Variants in LRRC4C observed in about 807,000 individuals in gnomAD.
LRRC4C encodes the protein leucine rich repeat containing 4C.
A neutral mutation model predicts 33.6 loss-of-function variants in LRRC4C; 5 were observed. That is an observed-to-expected ratio of 0.15 (90% CI 0.08 to 0.31). The LOEUF (loss-of-function observed/expected upper bound fraction) is 0.31. Among genes scored for constraint, LRRC4C ranks in the 10% least tolerant of loss-of-function variants. The pLI, the probability that LRRC4C is intolerant of heterozygous loss-of-function variation, is 1.00. For synonymous variants in LRRC4C, 329 were observed against 302.0 expected, an observed-to-expected ratio of 1.09 and a Z score of -0.93; for missense variants, 560 against 796.7, an observed-to-expected ratio of 0.70 and a Z score of 3.58.
chr11:40,249,152 A>G (rs1230618330), intron 4 of LRRC4C, among the ~76,000 whole-genome samples: 1 of 152,172 alleles, frequency 6.6e-6, no homozygotes, highest in Non-Finnish European at 1.5e-5. Flanking sequence ...AGACTGGCCA[A>G]CATGGTGAAA....
intron 2 of LRRC4C, among the ~76,000 whole-genome samples, chr11:40,702,979 C>T (rs1355732204): frequency 6.6e-6 from 1 of 151,472 alleles, no homozygotes; most frequent in Admixed American, 6.6e-5. Context: ...AGCTAGGATT[C>T]CATAGCCATA....
intron 2 of LRRC4C, among the ~76,000 whole-genome samples, chr11:40,910,135 G>A (rs1342454557): frequency 6.6e-6 from 1 of 151,968 alleles, no homozygotes; most frequent in African/African-American, 2.4e-5. Context: ...ATTCTACTAA[G>A]GAAAAGACTC....
chr11:40,710,775 C>T (rs1181977518), intron 2 of LRRC4C, among the ~76,000 whole-genome samples: 4 of 152,292 alleles, frequency 2.6e-5, no homozygotes, highest in Admixed American at 6.5e-5. Flanking sequence ...TTTCTGCTGC[C>T]TTTTGTTCAG....
chr11:41,111,061 A>T (rs1356401420), intron 1 of LRRC4C, among the ~76,000 whole-genome samples: 1 of 152,034 alleles, frequency 6.6e-6, no homozygotes, highest in Non-Finnish European at 1.5e-5. Flanking sequence ...TGGGCATTAT[A>T]CTCATAGATT....
chr11:41,021,274 A>G (rs1028806035), intron 1 of LRRC4C, among the ~76,000 whole-genome samples: 20 of 112,018 alleles, frequency 1.8e-4, no homozygotes, highest in African/African-American at 6.2e-4. Context: ...TTATTCCTGA[A>G]AAGAAAATCT....
intron 4 of LRRC4C, among the ~76,000 whole-genome samples, chr11:40,272,886 C>T (rs957950064): frequency 2.7e-5 from 4 of 149,982 alleles, no homozygotes; most frequent in Admixed American, 1.3e-4. Flanking sequence ...CTAATTAGTT[C>T]TTTTAGTTAT....
intron 2 of LRRC4C, among the ~76,000 whole-genome samples, chr11:40,895,799 T>C (rs1329859314): frequency 1.3e-5 from 2 of 152,186 alleles, no homozygotes; most frequent in Non-Finnish European, 2.9e-5. Flanking sequence ...TATTATCTGC[T>C]AATAATTAGG....
intron 1 of LRRC4C, among the ~76,000 whole-genome samples, chr11:40,998,655 G>T (rs1448474937): frequency 6.6e-6 from 1 of 152,010 alleles, no homozygotes; most frequent in Non-Finnish European, 1.5e-5. Context: ...TCACAAACTA[G>T]ACACGCATTC....
intron 3 of LRRC4C, among the ~76,000 whole-genome samples, chr11:40,388,827 G>A (rs149697794): frequency 2.6e-5 from 4 of 152,218 alleles, no homozygotes; most frequent in African/African-American, 7.2e-5. Context: ...TTTGTCATTG[G>A]GTCAATTCTG....
chr11:41,232,355 G>T (rs562912625), intron 1 of LRRC4C, among the ~76,000 whole-genome samples: 30 of 152,096 alleles, frequency 2.0e-4, no homozygotes, highest in African/African-American at 7.0e-4. Flanking sequence ...GTGTATTACT[G>T]GATATTTAGC....
intron 1 of LRRC4C, among the ~76,000 whole-genome samples, chr11:40,962,346 C>A (rs1406667406): frequency 6.6e-6 from 1 of 151,560 alleles, no homozygotes; most frequent in Non-Finnish European, 1.5e-5. Context: ...TTTCAGACTT[C>A]CGAGCTCCAA....
intron 4 of LRRC4C, among the ~76,000 whole-genome samples, chr11:40,253,769 C>G (rs146965238): frequency 6.6e-6 from 1 of 152,168 alleles, no homozygotes; most frequent in South Asian, 2.1e-4. Context: ...AGTCAAATAA[C>G]CTTTCTCTGT....
At chr11:40,866,142 T>C (rs1266339447) in intron 2 of LRRC4C, among the ~76,000 whole-genome samples, 2 of 145,426 alleles carry the variant, frequency 1.4e-5, no homozygotes, top group Non-Finnish European at 3.0e-5. Context: ...CCAAAGTCTC[T>C]GGTTGAAATC....
At chr11:40,341,731 G>A (rs1197893299) in intron 3 of LRRC4C, among the ~76,000 whole-genome samples, 1 of 151,960 alleles carries the variant, frequency 6.6e-6, no homozygotes, top group South Asian at 2.1e-4. Context: ...TCTTCTTTCA[G>A]AGTTCAAAAG....
At chr11:40,529,972 T>A (rs1348653860) in intron 3 of LRRC4C, among the ~76,000 whole-genome samples, 1 of 152,092 alleles carries the variant, frequency 6.6e-6, no homozygotes, top group Non-Finnish European at 1.5e-5. Context: ...AGTATAATTT[T>A]AAAAAATAAG....
At chr11:40,690,525 T>C (rs991056503) in intron 2 of LRRC4C, among the ~76,000 whole-genome samples, 1 of 152,070 alleles carries the variant, frequency 6.6e-6, no homozygotes, top group African/African-American at 2.4e-5. Flanking sequence ...AGTCTCAGGC[T>C]CTGATTGGAA....
intron 1 of LRRC4C, among the ~76,000 whole-genome samples, chr11:41,455,675 C>T (rs949075810): frequency 6.6e-6 from 1 of 152,140 alleles, no homozygotes; most frequent in African/African-American, 2.4e-5. Flanking sequence ...GTCATCATTA[C>T]TGTAACACAT....
chr11:40,669,720 TG>T (rs747276698), intron 2 of LRRC4C, among the ~76,000 whole-genome samples: 4 of 152,252 alleles, frequency 2.6e-5, no homozygotes, highest in Non-Finnish European at 5.9e-5. Flanking sequence ...AATTCTGATT[TG>T]GCTGTGCCAC....
intron 1 of LRRC4C, among the ~76,000 whole-genome samples, chr11:41,104,413 T>C (rs892169737): frequency 2.0e-4 from 30 of 152,016 alleles, no homozygotes; most frequent in African/African-American, 7.0e-4. Flanking sequence ...ATAATAAGGT[T>C]CAAAATTTAT....
Sources: allele counts gnomAD v4.1 joint callset (sites outside exome capture counted in the v4.1 genomes callset), GRCh38; gene constraint gnomAD v4.1.1; transcripts MANE v1.5; gene names NCBI Gene and HGNC (gene_info 2026-07-23, HGNC 2026-07-21).